AGBL1: variants seen among roughly 807,000 people sequenced by gnomAD.
The protein encoded by AGBL1 is cytosolic carboxypeptidase 4.
A neutral mutation model predicts 118.9 loss-of-function variants in AGBL1; 130 were observed. The ratio of observed to expected loss-of-function variants is 1.09; its 90% CI spans 0.95 to 1.26. The LOEUF (loss-of-function observed/expected upper bound fraction) is 1.26. Ranked by LOEUF, AGBL1 falls within the 50% of genes most tolerant of loss-of-function variation. The pLI is 0.00. For synonymous variants in AGBL1, 555 were observed against 478.9 expected (o/e 1.16, Z -2.08); for missense variants, 1,584 against 1,298.1 (o/e 1.22, Z -3.38).
At chr15:86,586,829 G>A (rs992698848) in intron 21 of AGBL1, among the ~76,000 whole-genome samples, 1 of 152,070 alleles carries the variant, frequency 6.6e-6, no homozygotes. Context: ...TTAAAAACTT[G>A]GGGTCAATAG....
chr15:86,646,911 C>A (rs918902057), intron 21 of AGBL1, among the ~76,000 whole-genome samples: 1 of 152,194 alleles, frequency 6.6e-6, no homozygotes, highest in East Asian at 1.9e-4. Context: ...ACTTAATTAT[C>A]CAGGAAAAGT....
chr15:86,686,616 T>C (rs1227633013), intron 22 of AGBL1, among the ~76,000 whole-genome samples: 1 of 151,984 alleles, frequency 6.6e-6, no homozygotes, highest in Non-Finnish European at 1.5e-5. Flanking sequence ...TTTTTGTATC[T>C]TTAGTAGATA....
At chr15:86,959,134 A>G (rs2080963822) in intron 23 of AGBL1, among the ~76,000 whole-genome samples, 7 of 152,166 alleles carry the variant, frequency 4.6e-5, no homozygotes, top group Admixed American at 4.6e-4. Flanking sequence ...ATAACAAAAA[A>G]GACTTCTGAA....
At chr15:86,928,206 A>G (rs1188665280) in intron 23 of AGBL1, among the ~76,000 whole-genome samples, 2 of 152,170 alleles carry the variant, frequency 1.3e-5, no homozygotes, top group Non-Finnish European at 2.9e-5. Context: ...ATGCAAACTC[A>G]AGTAAGGATG....
At chr15:86,927,707 G>T (rs993890179) in intron 23 of AGBL1, among the ~76,000 whole-genome samples, 1 of 152,076 alleles carries the variant, frequency 6.6e-6, no homozygotes, top group East Asian at 1.9e-4. Context: ...ATGACCAGTA[G>T]TAGTTATTGA....
intron 15 of AGBL1, among the ~76,000 whole-genome samples, chr15:86,276,611 T>G (rs1215257234): frequency 1.3e-5 from 2 of 152,174 alleles, no homozygotes; most frequent in East Asian, 3.8e-4. Context: ...CATAAAGTAT[T>G]GGCCATGAGA....
At chr15:86,437,458 G>A (rs962912437) in intron 18 of AGBL1, among the ~76,000 whole-genome samples, 1 of 152,148 alleles carries the variant, frequency 6.6e-6, no homozygotes, top group Non-Finnish European at 1.5e-5. Context: ...AAAAATCAGA[G>A]TAAGATGTAG....
intron 23 of AGBL1, among the ~76,000 whole-genome samples, chr15:86,962,292 A>C (rs2081000426): frequency 1.3e-5 from 2 of 152,070 alleles, no homozygotes; most frequent in African/African-American, 4.8e-5. Context: ...TTTTTGGTGG[A>C]GAGACATAAG....
At chr15:86,299,534 C>T (rs1161621574) in intron 17 of AGBL1, among the ~76,000 whole-genome samples, 1 of 152,134 alleles carries the variant, frequency 6.6e-6, no homozygotes, top group East Asian at 1.9e-4. Context: ...GAAAATGGAA[C>T]AGGAGCTCCA....
intron 1 of AGBL1, among the ~76,000 whole-genome samples, chr15:86,114,460 C>T (rs779141876): frequency 2.6e-5 from 4 of 152,168 alleles, no homozygotes; most frequent in Non-Finnish European, 5.9e-5. Flanking sequence ...ACTCCTAGAG[C>T]GCCCTGCATT....
At chr15:86,755,693 T>C (rs1231223606) in intron 22 of AGBL1, among the ~76,000 whole-genome samples, 3 of 152,166 alleles carry the variant, frequency 2.0e-5, no homozygotes, top group African/African-American at 7.2e-5. Context: ...TTCATGTACT[T>C]TCCTGCCTGA....
intron 5 of AGBL1, among the ~76,000 whole-genome samples, chr15:86,222,921 T>A (rs200963480): frequency 6.6e-6 from 1 of 152,192 alleles, no homozygotes; most frequent in East Asian, 1.9e-4. Context: ...CCTAAAACTT[T>A]CATGTGCATA....
intron 5 of AGBL1, among the ~76,000 whole-genome samples, chr15:86,188,638 A>T (rs947211539): frequency 6.6e-6 from 1 of 152,218 alleles, no homozygotes; most frequent in Non-Finnish European, 1.5e-5. Flanking sequence ...CTTTCATAAT[A>T]AAAGTTCCTG....
intron 22 of AGBL1, among the ~76,000 whole-genome samples, chr15:86,719,305 C>A (rs1335688207): frequency 6.6e-6 from 1 of 152,078 alleles, no homozygotes; most frequent in East Asian, 1.9e-4. Flanking sequence ...ATCTATATAG[C>A]CCCAGTTTTC....
intron 22 of AGBL1, among the ~76,000 whole-genome samples, chr15:86,790,600 C>T (rs1394263330): frequency 1.3e-5 from 2 of 152,124 alleles, no homozygotes; most frequent in East Asian, 3.9e-4. Context: ...TTTAGGGTTC[C>T]TATGGTTTTT....
At chr15:86,178,410 A>C (rs1162831945) in intron 5 of AGBL1, among the ~76,000 whole-genome samples, 1 of 152,240 alleles carries the variant, frequency 6.6e-6, no homozygotes, top group Admixed American at 6.5e-5. Flanking sequence ...CGAAATTCCT[A>C]CAATTTCTGT....
chr15:86,666,966 C>T (rs954561981), intron 21 of AGBL1, among the ~76,000 whole-genome samples: 1 of 152,050 alleles, frequency 6.6e-6, no homozygotes, highest in East Asian at 1.9e-4. Flanking sequence ...ACAGAGAATC[C>T]TGGTGGGCTC....
intron 21 of AGBL1, among the ~76,000 whole-genome samples, chr15:86,616,396 G>A (rs1031430010): frequency 8.6e-5 from 13 of 150,832 alleles, no homozygotes; most frequent in African/African-American, 3.0e-4. Flanking sequence ...CTTGTCGTTG[G>A]ATTAGATTGG....
intron 6 of AGBL1, among the ~76,000 whole-genome samples, chr15:86,240,088 C>T (rs182699389): frequency 6.6e-6 from 1 of 152,136 alleles, no homozygotes; most frequent in Non-Finnish European, 1.5e-5. Flanking sequence ...CCTAGATATG[C>T]CACTTATAAG....
Sources: allele counts gnomAD v4.1 joint callset (sites outside exome capture counted in the v4.1 genomes callset), GRCh38; gene constraint gnomAD v4.1.1; transcripts MANE v1.5; gene names NCBI Gene and HGNC (gene_info 2026-07-23, HGNC 2026-07-21).